The following ASIC5 variants were observed in gnomAD, a reference collection of about 807,000 sequenced individuals.
The protein encoded by ASIC5 is acid sensing ion channel subunit family member 5.
ASIC5 carries 52 observed loss-of-function variants against 51.2 expected under a neutral mutation model. The ratio of observed to expected loss-of-function variants is 1.02; its 90% CI spans 0.81 to 1.28. The LOEUF is 1.28. Among genes scored for constraint, ASIC5 ranks in the 50% most tolerant of loss-of-function variants. The pLI, the probability that ASIC5 is intolerant of heterozygous loss-of-function variation, is 0.00. For synonymous variants in ASIC5, 231 were observed against 200.7 expected, an observed-to-expected ratio of 1.15 and a Z score of -1.28; for missense variants, 635 against 595.0, an observed-to-expected ratio of 1.07 and a Z score of -0.70.
chr4:155,836,438 C>A (rs971796737), intron 8 of ASIC5, among the ~76,000 whole-genome samples: 3 of 152,124 alleles, frequency 2.0e-5, no homozygotes, highest in Non-Finnish European at 4.4e-5. Flanking sequence ...CCAGTTTGGG[C>A]AATAAATGTT....
In ASIC5 at chr4:155,866,229, G is replaced by T. The variant is rs372989626; in HGVS notation, c.-3C>A. On this transcript the variant is annotated 5_prime_UTR_variant, in exon 1 of 10. Transcript: ENST00000537611. The stretch of plus-strand genomic sequence containing the variant: ...TTTGATTTTTCTGTCTGCTCCATTT[G>T]TGATTTCAGTTAAGCAAGAGTCCTC... 8 of 1,607,232 alleles carry T rather than the reference G, an allele frequency of 5.0e-6. No individual in the cohort carries two copies. The Admixed American group carries it at 8.4e-5, about 17-fold the overall frequency.
At chr4:155,835,436 A>T (rs565008984) in intron 8 of ASIC5, among the ~76,000 whole-genome samples, 2 of 152,074 alleles carry the variant, frequency 1.3e-5, no homozygotes, top group South Asian at 4.2e-4. Flanking sequence ...AAGAAAAAAA[A>T]ACAGCATTCC....
At chr4:155,831,977 C>A in intron 8 of ASIC5, 62 bp from the exon 9 acceptor site, 2 of 846,962 alleles carry the variant, frequency 2.4e-6, no homozygotes, top group South Asian at 1.6e-5. Flanking sequence ...TAATTCCCGT[C>A]GAATAAAGGT....
At chr4:155,850,997 A>C (rs186895408) in intron 4 of ASIC5, among the ~76,000 whole-genome samples, 25 of 152,148 alleles carry the variant, frequency 1.6e-4, no homozygotes, top group African/African-American at 6.0e-4. Flanking sequence ...TAACAAACAT[A>C]CTAAATATTC....
chr4:155,862,839 A>C (rs1299466114), intron 2 of ASIC5, among the ~76,000 whole-genome samples: 3 of 152,090 alleles, frequency 2.0e-5, no homozygotes, highest in African/African-American at 7.2e-5. Flanking sequence ...TCCCTCTTCC[A>C]TTTCTTCTTC....
intron 1 of ASIC5, among the ~76,000 whole-genome samples, chr4:155,865,835 T>A (rs1035432397): frequency 3.8e-4 from 58 of 152,110 alleles, no homozygotes; most frequent in African/African-American, 1.4e-3. Flanking sequence ...TTGCATTGAG[T>A]GCTGATCAAC....
chr4:155,860,150 A>G (rs1338321106), intron 2 of ASIC5, among the ~76,000 whole-genome samples: 3 of 151,974 alleles, frequency 2.0e-5, no homozygotes, highest in Non-Finnish European at 4.4e-5. Context: ...CTACTGGTGT[A>G]TTTTAGTCAA....
In ASIC5 at chr4:155,831,816, A is replaced by G. The variant is rs768095272; in HGVS notation, c.1327+8T>C. On this transcript the variant is annotated splice_region_variant and intron_variant, in intron 9 of 9. Transcript: ENST00000537611. ...AAATAAAATAAGGAGCAATTAAATAACACTTACCAAGTAACTCAGACACAC... is the reference window on the plus strand; with the variant it reads ...AAATAAAATAAGGAGCAATTAAATAGCACTTACCAAGTAACTCAGACACAC... 2 of 1,528,174 alleles carry G rather than the reference A, an allele frequency of 1.3e-6. No homozygotes were observed. Among genetic ancestry groups the G allele is most frequent in the South Asian group, 2.3e-5 (2 of 88,672 alleles). The allele number at this position is 1,528,174 out of a possible 1,614,324, so 94.7% of individuals were successfully genotyped here. A position where few individuals can be genotyped will look rare whatever the true frequency, so the allele number is the denominator to read the frequency against.
chr4:155,848,941 G>A (rs1445072010), intron 4 of ASIC5, among the ~76,000 whole-genome samples: 4 of 152,112 alleles, frequency 2.6e-5, no homozygotes, highest in South Asian at 2.1e-4. Context: ...TGAACAAAAC[G>A]TGGAGCATAC....
intron 1 of ASIC5, chr4:155,864,821 A>G (rs1319746018): frequency 3.9e-5 from 6 of 152,166 alleles, no homozygotes; most frequent in Non-Finnish European, 5.9e-5. Flanking sequence ...TGTGGTAAAT[A>G]GTAAAATATT....
rs923946882 is a variant in ASIC5, at chr4:155,838,725, G to C, written c.1066+88C>G. The C allele has an allele frequency of 6.6e-6, 5 of 756,706 alleles. No homozygotes were observed. In the African/African-American group the frequency reaches 7.1e-5, roughly 11 times the overall value. 46.9% of individuals were successfully genotyped at this position (756,706 alleles called of 1,614,324 possible). On this transcript the variant is annotated intron_variant, in intron 7 of 9. Coordinates refer to ENST00000537611, the MANE Select transcript of ASIC5 (RefSeq NM_017419.3). ...ATATACTATATTCTGTTTAATTTCTGGGCTATCCATAGTTTGACTTAATGT... is the reference window on the plus strand; with the variant it reads ...ATATACTATATTCTGTTTAATTTCTCGGCTATCCATAGTTTGACTTAATGT...
intron 4 of ASIC5, 135 bp downstream of exon 4, chr4:155,852,056 A>T: frequency 1.0e-6 from 1 of 990,452 alleles, no homozygotes; most frequent in Admixed American, 2.6e-5. Flanking sequence ...AATCCATAGG[A>T]GTCTAGACTA....
At chr4:155,862,873 C>A in intron 2 of ASIC5, among the ~76,000 whole-genome samples, 1 of 152,272 alleles carries the variant, frequency 6.6e-6, no homozygotes, top group Admixed American at 6.5e-5. Context: ...AAGCTGTAAT[C>A]ATCTTTTAAT....
At position 155,843,835 on chromosome 4, in the gene ASIC5, A is replaced by C; in HGVS notation, c.712-5T>G. Reference sequence around the variant, plus strand: ...TGGGTTATCAGTGAATGCCTCCTGAAACAAAAATATGTTTTTGCCCAAATT... The same window carrying C: ...TGGGTTATCAGTGAATGCCTCCTGACACAAAAATATGTTTTTGCCCAAATT... On this transcript the variant is annotated splice_region_variant and splice_polypyrimidine_tract_variant and intron_variant, in intron 4 of 9. Coordinates refer to ENST00000537611, the MANE Select transcript of ASIC5 (RefSeq NM_017419.3). The C allele has an allele frequency of 6.2e-7, 1 of 1,613,232 alleles. No homozygotes were observed.
chr4:155,829,823 A>C lies in ASIC5; in HGVS notation c.*33T>G. 9 of 1,359,508 alleles carry C rather than the reference A, an allele frequency of 6.6e-6. No individual in the cohort carries two copies. Among genetic ancestry groups the C allele is most frequent in the Non-Finnish European group, 8.9e-6 (9 of 1,009,090 alleles). 84.2% of individuals were successfully genotyped at this position (1,359,508 alleles called of 1,614,324 possible). A position where few individuals can be genotyped will look rare whatever the true frequency, so the allele number is the denominator to read the frequency against. ...TAGTCAAGATAAATCTGAAGGTATC[A>C]TGAAAAGGAAACTATTTTATTCTAA... On this transcript the variant is annotated 3_prime_UTR_variant, in exon 10 of 10. Coordinates refer to ENST00000537611, the MANE Select transcript of ASIC5 (RefSeq NM_017419.3).
rs755321722 is a variant in ASIC5 at position 155,842,224 on chromosome 4, A to G, written c.992T>C (p.Val331Ala). The G allele has an allele frequency of 6.2e-7, 1 of 1,613,622 alleles. No individual in the cohort carries two copies. Among genetic ancestry groups the G allele is most frequent in the Admixed American group, 1.7e-5 (1 of 59,972 alleles). The change falls in exon 6 of 10, where the codon GTG becomes GCG. Residue 331 changes from valine (V) to alanine (A), a missense_variant. Coordinates refer to ENST00000537611, the MANE Select transcript of ASIC5 (RefSeq NM_017419.3). ...AQHIKKQCGCVPFLLPGYGIE... is the reference protein window; with the variant it reads ...AQHIKKQCGCAPFLLPGYGIE... Reference sequence around the variant, plus strand: ...TTATTTACCAGGAAGAAGAAAAGGCACACATCCACATTGCTTTTTTATGTG... The same window carrying G: ...TTATTTACCAGGAAGAAGAAAAGGCGCACATCCACATTGCTTTTTTATGTG...
intron 4 of ASIC5, among the ~76,000 whole-genome samples, chr4:155,849,540 T>C (rs1051407320): frequency 4.6e-5 from 7 of 152,072 alleles, no homozygotes; most frequent in African/African-American, 4.8e-5. Flanking sequence ...TCCTAATTAA[T>C]CCTTTAGTTA....
At chr4:155,848,157 T>G (rs114180902) in intron 4 of ASIC5, among the ~76,000 whole-genome samples, 1 of 152,058 alleles carries the variant, frequency 6.6e-6, no homozygotes, top group East Asian at 1.9e-4. Flanking sequence ...TGAAGTTTTT[T>G]TCTTTTTTTA....
At chr4:155,859,476 A>G (rs1316501622) in intron 2 of ASIC5, among the ~76,000 whole-genome samples, 2 of 152,008 alleles carry the variant, frequency 1.3e-5, no homozygotes, top group Non-Finnish European at 2.9e-5. Context: ...ACCCTTTCTT[A>G]TAATCCAAAG....
Sources: gnomAD v4.1 joint callset for allele counts (sites outside exome capture counted in the v4.1 genomes callset) on GRCh38, gnomAD v4.1.1 for gene constraint, MANE v1.5 for transcripts, NCBI Gene and HGNC (gene_info 2026-07-23, HGNC 2026-07-21) for gene names.